Variants in VASP observed in about 807,000 individuals in gnomAD.
VASP encodes the protein vasodilator-stimulated phosphoprotein.
A neutral mutation model predicts 54.4 loss-of-function variants in VASP; 27 were observed. The observed-to-expected ratio is 0.50, with a 90% confidence interval of 0.37 to 0.68. The LOEUF (loss-of-function observed/expected upper bound fraction) is 0.68, where lower values mean the gene tolerates loss of function less well. VASP is among the 30% of genes least tolerant of loss of function. The probability of loss-of-function intolerance (pLI) is 0.00; values close to 1 mark genes in which losing one functional copy is unlikely to be tolerated. For synonymous variants in VASP, 233 were observed against 209.8 expected (o/e 1.11, Z -0.96); for missense variants, 488 against 528.3 (o/e 0.92, Z 0.75).
chr19:45,516,983 CA>C (rs112095290), intron 1 of VASP, among the ~76,000 whole-genome samples: 29 of 57,858 alleles, frequency 5.0e-4, no homozygotes, highest in Non-Finnish European at 4.3e-4. Flanking sequence ...GACTCTGTCT[CA>C]AAAAAAAAAA....
chr19:45,524,252 A>C (rs1032003796), intron 10 of VASP, 110 bp downstream of exon 10: 5 of 1,297,584 alleles, frequency 3.9e-6, no homozygotes, highest in Middle Eastern at 2.6e-4. Flanking sequence ...CTCTACAAAA[A>C]TTAGCCAGGC....
rs139701485 is a variant in VASP at position 45,522,211 on chromosome 19, A to C, written c.472A>C (p.Asn158His). ...GGAGCACATAGAGCGCCGGGTCTCC[A>C]ATGCAGGTGATGCTCAGATAGCTTC... ...PSEHIERRVSNAGGPPAPPAG... is the reference protein window; with the variant it reads ...PSEHIERRVSHAGGPPAPPAG... Residue 158 changes from asparagine to histidine, a missense_variant, in exon 5 of 13, where the codon AAT (asparagine) becomes CAT (histidine). Physicochemically the swap from Asn to His is moderately conservative, Grantham distance 68. Coordinates refer to ENST00000245932, the MANE Select transcript of VASP (RefSeq NM_003370.4). The C allele has an allele frequency of 1.5e-4, 250 of 1,614,158 alleles. 2 individuals carry two copies. In the African/African-American group the frequency reaches 2.9e-3, roughly 19 times the overall value.
chr19:45,511,841 A>G (rs1164502803), intron 1 of VASP, among the ~76,000 whole-genome samples: 1 of 152,254 alleles, frequency 6.6e-6, no homozygotes, highest in African/African-American at 2.4e-5. Flanking sequence ...TTATGCCTGT[A>G]ATCCCAGCAC....
chr19:45,515,505 C>G (rs187366065), intron 1 of VASP, among the ~76,000 whole-genome samples: 1 of 152,246 alleles, frequency 6.6e-6, no homozygotes, highest in Admixed American at 6.5e-5. Flanking sequence ...ACTGAGCTCT[C>G]GGCGTGTGCT....
intron 11 of VASP, 130 bp from the exon 12 acceptor site, chr19:45,525,816 C>A: frequency 1.2e-6 from 1 of 852,812 alleles, no homozygotes; most frequent in Non-Finnish European, 1.8e-6. Flanking sequence ...CTGCAATGAG[C>A]TGTGATCATG....
rs1414469963 is a variant in VASP, at chr19:45,517,976, C to T, written c.225C>T (p.Ala75=). The change falls in exon 3 of 13, where the codon GCC becomes GCT. Residue 75 remains alanine, a synonymous_variant. Transcript: ENST00000245932. ...TCCGGGGTGTCAAGTATAACCAGGC[C>T]ACCCCCAACTTCCATCAGTGGCGCG... The part of the protein sequence containing the change: ...AIVRGVKYNQ[A]TPNFHQWRDA... 1 of 1,613,870 alleles carries T rather than the reference C, an allele frequency of 6.2e-7. No individual in the cohort carries two copies. The highest frequency in any genetic ancestry group is 8.5e-7 in the Non-Finnish European group (1 of 1,179,984).
intron 4 of VASP, 76 bp from the exon 5 acceptor site, chr19:45,522,092 G>A: frequency 6.3e-7 from 1 of 1,596,934 alleles, no homozygotes; most frequent in Non-Finnish European, 8.5e-7. Flanking sequence ...TGAGAGAGAG[G>A]ACGGAGGTCG....
intron 10 of VASP, 119 bp downstream of exon 10, chr19:45,524,261 G>T: frequency 8.5e-7 from 1 of 1,182,970 alleles, no homozygotes; most frequent in Non-Finnish European, 1.2e-6. Flanking sequence ...AATTAGCCAG[G>T]CGTGGTAGCA....
rs1968520244 is a variant in VASP at position 45,507,889 on chromosome 19, G to A, written c.5+113G>A. 2 of 647,000 alleles carry A rather than the reference G, an allele frequency of 3.1e-6. No homozygotes were observed. The highest frequency in any genetic ancestry group is 1.9e-5 in the African/African-American group (1 of 51,394). 40.1% of individuals were successfully genotyped at this position (647,000 alleles called of 1,614,324 possible). A position where few individuals can be genotyped will look rare whatever the true frequency, so the allele number is the denominator to read the frequency against. On this transcript the variant is annotated intron_variant, in intron 1 of 12. Coordinates refer to ENST00000245932, the MANE Select transcript of VASP (RefSeq NM_003370.4). This position sits in a 1 kb window ranked among gnomAD's most constrained non-coding sequence, Gnocchi z 4.4. ...CTGGAATTTGGGGACAGATCCTTGG[G>A]AGCCTCGGATTTGAGCTGAATCCCC...
rs1170707782 is a variant in VASP at position 45,515,775 on chromosome 19, C to A, written c.6-1888C>A. ...CTGGTCTCGAACACCTGAGCTCAAG[C>A]GATCCATTCACCTCAGCTTCCCAAC... On this transcript the variant is annotated intron_variant, in intron 1 of 12. Coordinates refer to ENST00000245932, the MANE Select transcript of VASP (RefSeq NM_003370.4). 2.0e-5 allele frequency among the ~76,000 whole-genome samples: 3 copies of A among 152,164 alleles called. No individual in the cohort carries two copies. The East Asian group carries it at 5.8e-4, about 29-fold the overall frequency.
chr19:45,522,734 G>C lies in VASP; in HGVS notation c.737G>C (p.Gly246Ala), dbSNP rs750056026. 3.1e-6 allele frequency: 5 copies of C among 1,604,466 alleles called. No homozygotes were observed. The highest frequency in any genetic ancestry group is 4.2e-6 in the Non-Finnish European group (5 of 1,177,630). Reference protein sequence around the residue: ...RKVSKQEEASGGPTAPKAESG... With the variant: ...RKVSKQEEASAGPTAPKAESG... ...TTTCTCCAGCAGGAGGAGGCCTCAG[G>C]GGGGCCCACAGCCCCCAAAGCTGAG... Residue 246 changes from glycine to alanine, a missense_variant, in exon 7 of 13, where the codon GGG becomes GCG. Around this residue, in one of 4 missense-constraint regions of VASP, gnomAD observed 226 missense variants for 196.0 expected, o/e 1.15. Transcript: ENST00000245932.
chr19:45,507,508 A>G lies in VASP; in HGVS notation c.-264A>G. 1 of 500,680 alleles carries G rather than the reference A, an allele frequency of 2.0e-6. No homozygotes were observed. Among genetic ancestry groups the G allele is most frequent in the Admixed American group, 4.1e-5 (1 of 24,382 alleles). 31.0% of individuals were successfully genotyped at this position (500,680 alleles called of 1,614,324 possible). ...TAGTAAGAGTAACACTGTAGCCGCCACCGGCAAGGGGTGCGCGCTGGGGAG... is the reference window on the plus strand; with the variant it reads ...TAGTAAGAGTAACACTGTAGCCGCCGCCGGCAAGGGGTGCGCGCTGGGGAG... On this transcript the variant is annotated 5_prime_UTR_variant, in exon 1 of 13. Coordinates refer to ENST00000245932, the MANE Select transcript of VASP (RefSeq NM_003370.4). The surrounding 1 kb of genome is among the most constrained non-coding windows in gnomAD (Gnocchi z 4.4).
intron 1 of VASP, among the ~76,000 whole-genome samples, chr19:45,509,066 A>C (rs1968547229): frequency 6.6e-6 from 1 of 152,108 alleles, no homozygotes; most frequent in African/African-American, 2.4e-5. Context: ...ACGGTTGGGG[A>C]TTAACCCCGT....
At chr19:45,524,247 C>CA (rs1968910981) in intron 10 of VASP, 105 bp downstream of exon 10, 3 of 1,342,684 alleles carry the variant, frequency 2.2e-6, no homozygotes, top group Middle Eastern at 2.5e-4. Flanking sequence ...CCCATCTCTA[C>CA]AAAAATTAGC....
At position 45,508,299 on chromosome 19, in the gene VASP, ACTT is replaced by A. The variant is rs1379920807; in HGVS notation, c.5+527_5+529del. Among the ~76,000 whole-genome samples, 5 of 152,286 alleles carry A rather than the reference ACTT, an allele frequency of 3.3e-5. No individual in the cohort carries two copies. In the East Asian group the frequency reaches 5.8e-4, roughly 18 times the overall value. ...GACCGCGCTCCATAACTTCGGGGGTACTTCTTAATCCCCTGGATTTTGGGGGTC... is the reference window on the plus strand; with the variant it reads ...GACCGCGCTCCATAACTTCGGGGGTACTTAATCCCCTGGATTTTGGGGGTC... On this transcript the variant is annotated intron_variant, in intron 1 of 12. Transcript: ENST00000245932.
In VASP at chr19:45,507,784, G is replaced by A; in HGVS notation, c.5+8G>A. 6.8e-7 allele frequency: 1 copy of A among 1,469,094 alleles called. No individual in the cohort carries two copies. Among genetic ancestry groups the A allele is most frequent in the Non-Finnish European group, 8.9e-7 (1 of 1,118,970 alleles). The allele number at this position is 1,469,094 out of a possible 1,614,324, so 91.0% of individuals were successfully genotyped here. A position where few individuals can be genotyped will look rare whatever the true frequency, so the allele number is the denominator to read the frequency against. ...CCGCCGAGCAGCCATGAGGTGAGCC[G>A]GACCTGCCCCCCGACCCGTCCCCGC... is the stretch of plus-strand genomic sequence containing the variant. On this transcript the variant is annotated splice_region_variant and intron_variant, in intron 1 of 12. Transcript: ENST00000245932. The surrounding 1 kb of genome is among the most constrained non-coding windows in gnomAD (Gnocchi z 4.4).
intron 2 of VASP, 39 bp downstream of exon 2, chr19:45,517,873 CTA>C: frequency 6.3e-7 from 1 of 1,595,256 alleles, no homozygotes; most frequent in South Asian, 1.1e-5. Flanking sequence ...GGCTGAACCC[CTA>C]CCCGCCCCAC....
Position 45,522,166 on chromosome 19 carries a change from A to G in VASP, c.429-2A>G, listed in dbSNP as rs772733903. 1 of 1,613,718 alleles carries G rather than the reference A, an allele frequency of 6.2e-7. No homozygotes were observed. ...CGGCAGCTCTCTCGCCTCCCCCCAC[A>G]GGCAGCAGCCCGGCCCGTCGGAGCA... On this transcript the variant is annotated splice_acceptor_variant, in intron 4 of 12. Transcript: ENST00000245932. LOFTEE classifies it high-confidence loss of function.
intron 11 of VASP, 137 bp downstream of exon 11, chr19:45,524,797 G>T: frequency 2.4e-6 from 2 of 829,942 alleles, no homozygotes; most frequent in African/African-American, 1.7e-5. Context: ...ACTGGATTGG[G>T]TCAAGGATGA....
Sources: allele counts gnomAD v4.1 joint callset (sites outside exome capture counted in the v4.1 genomes callset), GRCh38; gene constraint gnomAD v4.1.1; regional missense constraint gnomAD v4.1.1; non-coding constraint Gnocchi (gnomAD v3.1); transcripts MANE v1.5; gene names NCBI Gene and HGNC (gene_info 2026-07-23, HGNC 2026-07-21).